EML2: variants seen among roughly 807,000 people sequenced by gnomAD.
EML2 encodes the protein echinoderm microtubule-associated protein-like 2.
In EML2, 59 loss-of-function variants were observed where a neutral mutation model predicts 84.7. The observed-to-expected ratio is 0.70, with a 90% CI of 0.56 to 0.86. The LOEUF is 0.86. EML2 is among the 40% of genes least tolerant of loss of function. EML2 has a pLI of 0.00. For synonymous variants in EML2, 352 were observed against 348.9 expected, an observed-to-expected ratio of 1.01 and a Z score of -0.10; for missense variants, 818 against 855.6, an observed-to-expected ratio of 0.96 and a Z score of 0.55.
At chr19:45,642,005 G>A, upstream of EML2, 2 of 1,445,736 alleles carry the variant, frequency 1.4e-6, no homozygotes, top group East Asian at 5.0e-5. Flanking sequence ...GCCATTAAGG[G>A]GCGTCCTGGT....
Position 45,624,739 on chromosome 19 carries a change from T to A in EML2, c.821A>T (p.Asn274Ile), listed in dbSNP as rs1490305609. The change falls in exon 9 of 19, where the codon AAC becomes ATC. Residue 274 changes from asparagine to isoleucine, a missense_variant. Physicochemically the swap from Asn to Ile is moderately radical, Grantham distance 149. Coordinates refer to ENST00000245925, the MANE Select transcript of EML2 (RefSeq NM_012155.4). ...GDVVTGDSGG[N>I]LYVWGKGGNR... The stretch of plus-strand genomic sequence containing the variant: ...CTGACCTTTGCCCCAAACATAGAGG[T>A]TCCCCCCAGAGTCCCCCGTGACCAC... 2 of 1,613,422 alleles carry A rather than the reference T, an allele frequency of 1.2e-6. No homozygotes were observed. The highest frequency in any genetic ancestry group is 2.2e-5 in the East Asian group (1 of 44,838).
chr19:45,638,993 G>T, intron 1 of EML2, 120 bp from the exon 2 acceptor site: 1 of 1,190,864 alleles, frequency 8.4e-7, no homozygotes, highest in East Asian at 2.3e-5. Flanking sequence ...GGCCGAGTAA[G>T]GGGCAGAGCG....
intron 6 of EML2, among the ~76,000 whole-genome samples, 181 bp from the exon 7 acceptor site, chr19:45,630,227 C>T (rs1972861646): frequency 1.3e-5 from 2 of 151,888 alleles, no homozygotes; most frequent in African/African-American, 4.8e-5. Flanking sequence ...TAGGGAGACC[C>T]TGTCTCTTAA....
chr19:45,620,780 G>T (rs1451666724), intron 11 of EML2: 2 of 341,420 alleles, frequency 5.9e-6, no homozygotes, highest in Admixed American at 3.8e-5. Flanking sequence ...TTGGGTCAGG[G>T]GTAAGGAAGG....
intron 1 of EML2, chr19:45,639,080 C>A (rs1228876622): frequency 1.3e-6 from 1 of 748,480 alleles, no homozygotes; most frequent in Non-Finnish European, 2.4e-6. Context: ...AGGCAGTGAT[C>A]GCCAAAGATC....
Position 45,619,080 on chromosome 19 carries a change from G to A in EML2, c.1234C>T (p.Leu412=), listed in dbSNP as rs746224931. The part of the protein sequence containing the change: ...HLWSSDSHQP[L]WSRIIEDPAR... Reference sequence around the variant, plus strand: ...CTTACCTCGATGATCCTGCTCCACAGGGGCTGGTGGGAATCTGAGCTCCAT... The same window carrying A: ...CTTACCTCGATGATCCTGCTCCACAAGGGCTGGTGGGAATCTGAGCTCCAT... Residue 412 remains leucine, a synonymous_variant, in exon 12 of 19, where the codon CTG becomes TTG. Transcript: ENST00000245925. The A allele has an allele frequency of 8.1e-6, 13 of 1,612,782 alleles. 1 individual carries two copies. In the South Asian group the frequency reaches 1.3e-4, roughly 16 times the overall value.
At position 45,609,486 on chromosome 19, in the gene EML2, G is replaced by A. The variant is rs145760913; in HGVS notation, c.*177C>T. The A allele has an allele frequency of 3.1e-4, 200 of 647,608 alleles. 2 individuals carry two copies. In the East Asian group the frequency reaches 5.6e-3, roughly 18 times the overall value. The allele number at this position is 647,608 out of a possible 1,614,324, so 40.1% of individuals were successfully genotyped here. The stretch of plus-strand genomic sequence containing the variant: ...CCAAACACCAATGGATCCCCAAAGC[G>A]ATGTGACTCCCTCTTCCCACCCGGA... On this transcript the variant is annotated 3_prime_UTR_variant, in exon 19 of 19. Transcript: ENST00000245925.
chr19:45,621,253 G>A lies in EML2; in HGVS notation c.1076C>T (p.Ser359Phe). Residue 359 changes from serine (S) to phenylalanine (F), a missense_variant, in exon 11 of 19, where the codon TCC (serine) becomes TTC (phenylalanine). Transcript: ENST00000245925. Reference protein sequence around the residue: ...DTLYVGTTRNSILQGSVHTGF... With the variant: ...DTLYVGTTRNFILQGSVHTGF... ...TGTGTGCACGGAGCCCTGCAGGATGGAATTGCGGGTGGTCCCCACGTACAG... is the reference window on the plus strand; with the variant it reads ...TGTGTGCACGGAGCCCTGCAGGATGAAATTGCGGGTGGTCCCCACGTACAG... 6.2e-7 allele frequency: 1 copy of A among 1,614,056 alleles called. No homozygotes were observed. Among genetic ancestry groups the A allele is most frequent in the Non-Finnish European group, 8.5e-7 (1 of 1,180,020 alleles).
At chr19:45,614,169 C>A (rs1160180633) in intron 17 of EML2, among the ~76,000 whole-genome samples, 2 of 152,178 alleles carry the variant, frequency 1.3e-5, no homozygotes, top group Admixed American at 6.6e-5. Flanking sequence ...AGGCCAGATG[C>A]CCCACCCTGG....
At chr19:45,643,807 C>A, upstream of EML2, 1 of 1,445,568 alleles carries the variant, frequency 6.9e-7, no homozygotes, top group Non-Finnish European at 9.1e-7. Context: ...CACTCAGCGC[C>A]TCCCAGGTCC....
chr19:45,641,940 T>C, upstream of EML2: 1 of 1,442,830 alleles, frequency 6.9e-7, no homozygotes, highest in Non-Finnish European at 9.1e-7. Flanking sequence ...GTCGCCTCCT[T>C]CTTGGGAGAG....
intron 9 of EML2, 83 bp from the exon 10 acceptor site, chr19:45,621,720 A>C: frequency 7.3e-7 from 1 of 1,374,662 alleles, no homozygotes; most frequent in Non-Finnish European, 9.8e-7. Flanking sequence ...TCTCAAGCCT[A>C]TGTCCATCCA....
chr19:45,619,207 G>A lies in EML2; in HGVS notation c.1123-16C>T. ...CCACATGGCCCTGGTGGAAAGGGAG[G>A]ACAGCAGGATGGAGACAGCAGCCCT... is the stretch of plus-strand genomic sequence containing the variant. On this transcript the variant is annotated splice_polypyrimidine_tract_variant and intron_variant, in intron 11 of 18. Coordinates refer to ENST00000245925, the MANE Select transcript of EML2 (RefSeq NM_012155.4). The A allele has an allele frequency of 6.2e-7, 1 of 1,606,756 alleles. No homozygotes were observed. Among genetic ancestry groups the A allele is most frequent in the East Asian group, 2.2e-5 (1 of 44,788 alleles).
chr19:45,631,919 T>C (rs574735841), intron 6 of EML2, among the ~76,000 whole-genome samples: 1 of 131,100 alleles, frequency 7.6e-6, no homozygotes, highest in South Asian at 2.5e-4. Context: ...TTAGTTGGAG[T>C]CTCGCCCTGT....
intron 1 of EML2, 102 bp from the exon 2 acceptor site, chr19:45,638,975 G>A: frequency 7.1e-7 from 1 of 1,410,258 alleles, no homozygotes; most frequent in East Asian, 2.3e-5. Context: ...GGTCTCCGAT[G>A]AAAACGGGGC....
upstream of EML2, chr19:45,641,556 G>A (rs28602630): frequency 0.087 from 119,464 of 1,366,414 alleles, 6,920 homozygotes; most frequent in African/African-American, 0.28. Context: ...TCTAGGTTAC[G>A]ACCTCGTGGC....
chr19:45,614,672 G>C lies in EML2; in HGVS notation c.1626C>G (p.Thr542=), dbSNP rs1970828836. The C allele has an allele frequency of 6.2e-7, 1 of 1,614,044 alleles. No individual in the cohort carries two copies. The highest frequency in any genetic ancestry group is 1.3e-5 in the African/African-American group (1 of 75,032). The part of the protein sequence containing the change: ...YWDPATCKQI[T]SADAVRNMEW... ...CCATGTTCCTCACAGCATCCGCACT[G>C]GTGATCTGCTTACAGGTAGCCGGGT... The change falls in exon 17 of 19, where the codon ACC becomes ACG. Residue 542 remains threonine (T), a synonymous_variant. Coordinates refer to ENST00000245925, the MANE Select transcript of EML2 (RefSeq NM_012155.4).
upstream of EML2, chr19:45,641,516 C>G: frequency 2.1e-6 from 2 of 945,958 alleles, no homozygotes; most frequent in Non-Finnish European, 3.2e-6. Flanking sequence ...GCTCTGGCAC[C>G]GTCCCCGCTT....
upstream of EML2, chr19:45,643,586 C>T (rs1276533174): frequency 2.4e-5 from 37 of 1,536,034 alleles, no homozygotes; most frequent in East Asian, 1.2e-4. Flanking sequence ...TACCCAGACT[C>T]ATTGCTGACC....
Sources: allele counts gnomAD v4.1 joint callset (sites outside exome capture counted in the v4.1 genomes callset), GRCh38; gene constraint gnomAD v4.1.1; transcripts MANE v1.5; gene names NCBI Gene and HGNC (gene_info 2026-07-23, HGNC 2026-07-21).